Variants in CRADD observed in about 807,000 individuals in gnomAD.
CRADD encodes CARD and death domain containing adaptor protein.
CRADD carries 9 observed loss-of-function variants against 15.5 expected under a neutral mutation model. The observed-to-expected ratio is 0.58, with a 90% CI of 0.35 to 1.01. The LOEUF (loss-of-function observed/expected upper bound fraction) is 1.01, where lower values mean the gene tolerates loss of function less well. CRADD is among the 50% of genes least tolerant of loss of function. The pLI is 0.02. For synonymous variants in CRADD, 118 were observed against 107.6 expected, an observed-to-expected ratio of 1.10 and a Z score of -0.60; for missense variants, 227 against 250.3, an observed-to-expected ratio of 0.91 and a Z score of 0.63.
intron 2 of CRADD, among the ~76,000 whole-genome samples, chr12:93,808,150 AG>A (rs1247509466): frequency 2.6e-5 from 4 of 151,772 alleles, no homozygotes; most frequent in Non-Finnish European, 4.4e-5. Flanking sequence ...AGCTGTGTGA[AG>A]GGAGAGCTCA....
At chr12:93,711,863 C>G (rs959523556) in intron 2 of CRADD, among the ~76,000 whole-genome samples, 1 of 151,712 alleles carries the variant, frequency 6.6e-6, no homozygotes, top group Non-Finnish European at 1.5e-5. Context: ...TCAAGTGATT[C>G]TTGTGCCTCA....
At chr12:93,729,141 A>C (rs1956420094) in intron 2 of CRADD, among the ~76,000 whole-genome samples, 1 of 152,206 alleles carries the variant, frequency 6.6e-6, no homozygotes, top group Non-Finnish European at 1.5e-5. Flanking sequence ...TTTTGCCACC[A>C]AATGAATTTA....
chr12:93,831,299 T>C (rs1212691001), intron 2 of CRADD: 1 of 152,326 alleles, frequency 6.6e-6, no homozygotes, highest in African/African-American at 2.4e-5. Context: ...ACTCCTGTGC[T>C]GATCAGTAGT....
chr12:93,823,978 G>A (rs529298455), intron 2 of CRADD, among the ~76,000 whole-genome samples: 2 of 152,344 alleles, frequency 1.3e-5, no homozygotes, highest in African/African-American at 4.8e-5. Flanking sequence ...GAGTTGTGGA[G>A]AACACAGTGA....
At chr12:93,758,719 A>C (rs1956918056) in intron 2 of CRADD, among the ~76,000 whole-genome samples, 1 of 152,134 alleles carries the variant, frequency 6.6e-6, no homozygotes, top group Non-Finnish European at 1.5e-5. Context: ...TTTACGTGAA[A>C]ATTTAGATTT....
At chr12:93,698,399 A>T (rs1955763298) in intron 2 of CRADD, among the ~76,000 whole-genome samples, 1 of 152,214 alleles carries the variant, frequency 6.6e-6, no homozygotes, top group Non-Finnish European at 1.5e-5. Context: ...TTCAGAGAGT[A>T]AAACCTCTGA....
At chr12:93,783,700 CT>C (rs960701454) in intron 2 of CRADD, among the ~76,000 whole-genome samples, 1 of 152,094 alleles carries the variant, frequency 6.6e-6, no homozygotes, top group East Asian at 1.9e-4. Context: ...ATTTGATAAT[CT>C]TTTTTGTTAG....
chr12:93,858,812 G>A (rs1267653785), intron 2 of CRADD, among the ~76,000 whole-genome samples: 1 of 152,220 alleles, frequency 6.6e-6, no homozygotes. Context: ...TCCCAGAGGG[G>A]TCCTACCCCA....
At chr12:93,869,179 C>CA (rs1958396927) in intron 2 of CRADD, among the ~76,000 whole-genome samples, 1 of 152,130 alleles carries the variant, frequency 6.6e-6, no homozygotes, top group African/African-American at 2.4e-5. Flanking sequence ...TCCCAAAACT[C>CA]AGAGTTGTAT....
intron 2 of CRADD, among the ~76,000 whole-genome samples, chr12:93,820,124 A>G (rs1957752805): frequency 1.3e-5 from 2 of 152,148 alleles, no homozygotes; most frequent in Non-Finnish European, 2.9e-5. Context: ...TTAATCAGTC[A>G]CAAACAGATG....
intron 2 of CRADD, among the ~76,000 whole-genome samples, chr12:93,873,822 G>A (rs924575396): frequency 6.6e-6 from 1 of 151,974 alleles, no homozygotes; most frequent in Non-Finnish European, 1.5e-5. Flanking sequence ...TTCGTGTTTT[G>A]TTGAGGATTT....
intron 2 of CRADD, among the ~76,000 whole-genome samples, chr12:93,762,216 A>G (rs556418516): frequency 6.6e-6 from 1 of 152,320 alleles, no homozygotes; most frequent in Admixed American, 6.5e-5. Flanking sequence ...TGTTGTGAGT[A>G]ATTGCAGCTG....
At chr12:93,701,861 C>T (rs1955849392) in intron 2 of CRADD, among the ~76,000 whole-genome samples, 1 of 152,146 alleles carries the variant, frequency 6.6e-6, no homozygotes, top group Non-Finnish European at 1.5e-5. Flanking sequence ...CCCCCCACCC[C>T]ACTTTCTCTA....
chr12:93,799,526 T>C (rs1242112228), intron 2 of CRADD, among the ~76,000 whole-genome samples: 1 of 152,210 alleles, frequency 6.6e-6, no homozygotes, highest in East Asian at 1.9e-4. Flanking sequence ...TCATAGCATG[T>C]AACTGTAAGC....
intron 2 of CRADD, among the ~76,000 whole-genome samples, chr12:93,873,266 T>C (rs918849689): frequency 1.4e-4 from 22 of 152,084 alleles, no homozygotes; most frequent in African/African-American, 5.1e-4. Context: ...TTGTATCCTG[T>C]AACTTTACTG....
chr12:93,817,319 G>A (rs933300009), intron 2 of CRADD, among the ~76,000 whole-genome samples: 3 of 152,164 alleles, frequency 2.0e-5, no homozygotes, highest in Admixed American at 1.3e-4. Context: ...CTGTGTGTGT[G>A]CTTGTGTTGT....
At chr12:93,765,694 G>A (rs779613535) in intron 2 of CRADD, among the ~76,000 whole-genome samples, 2 of 152,106 alleles carry the variant, frequency 1.3e-5, no homozygotes, top group Non-Finnish European at 2.9e-5. Context: ...GACTGAGCAC[G>A]ATAGGCTATT....
intron 2 of CRADD, among the ~76,000 whole-genome samples, chr12:93,860,585 A>C (rs1212737741): frequency 6.6e-6 from 1 of 152,160 alleles, no homozygotes; most frequent in African/African-American, 2.4e-5. Context: ...GAAGACCCCC[A>C]CAAGAAGGTG....
chr12:93,767,175 A>G (rs1552350), intron 2 of CRADD, among the ~76,000 whole-genome samples: 76,698 of 152,148 alleles, frequency 0.5, 19,878 homozygotes, highest in East Asian at 0.8. Context: ...TCCAAGCTCC[A>G]GCCATGTGCA....
Sources: allele counts gnomAD v4.1 joint callset (sites outside exome capture counted in the v4.1 genomes callset), GRCh38; gene constraint gnomAD v4.1.1; transcripts MANE v1.5; gene names NCBI Gene and HGNC (gene_info 2026-07-23, HGNC 2026-07-21).